Variants in RBM20 observed in about 807,000 individuals in gnomAD.
RBM20 encodes RNA binding motif protein 20.
A neutral mutation model predicts 110.1 loss-of-function variants in RBM20; 51 were observed. The ratio of observed to expected loss-of-function variants is 0.46; its 90% CI spans 0.37 to 0.59. The LOEUF (loss-of-function observed/expected upper bound fraction) is 0.59, where lower values mean the gene tolerates loss of function less well. Ranked by LOEUF, RBM20 falls within the 20% of genes least tolerant of loss-of-function variation. The pLI is 0.00. For synonymous variants in RBM20, 589 were observed against 618.2 expected, an observed-to-expected ratio of 0.95 and a Z score of 0.70; for missense variants, 1,512 against 1,574.9, an observed-to-expected ratio of 0.96 and a Z score of 0.68.
At chr10:110,818,125 CAAA>C (rs11317341) in intron 9 of RBM20, among the ~76,000 whole-genome samples, 6 of 138,320 alleles carry the variant, frequency 4.3e-5, no homozygotes, top group Non-Finnish European at 6.3e-5. Context: ...ACTAAAAATA[CAAA>C]AAAAAAAAAA....
Position 110,737,193 on chromosome 10 carries a change from A to AAAAAAAAAAAAAC in RBM20, c.192-43604_192-43603insAAAAAAAACAAAA, listed in dbSNP as rs796374212. Among the ~76,000 whole-genome samples, 438 of 116,428 alleles carry AAAAAAAAAAAAAC rather than the reference A, an allele frequency of 3.8e-3. 21 individuals are homozygous for AAAAAAAAAAAAAC. The highest frequency in any genetic ancestry group is 0.01 in the East Asian group (38 of 3,750). 76.4% of individuals were successfully genotyped at this position (116,428 alleles called of 152,430 possible). A position where few individuals can be genotyped will look rare whatever the true frequency, so the allele number is the denominator to read the frequency against. ...ACTCTGCCTCAAAAAAAAAAAAAAA[A>AAAAAAAAAAAAAC]AAAACACCCCACACACACACTCAAA... On this transcript the variant is annotated intron_variant, in intron 1 of 13. Coordinates refer to ENST00000369519, the MANE Select transcript of RBM20 (RefSeq NM_001134363.3).
intron 7 of RBM20, among the ~76,000 whole-genome samples, chr10:110,807,729 T>C (rs752443051): frequency 1.2e-4 from 19 of 152,320 alleles, no homozygotes; most frequent in Non-Finnish European, 2.5e-4. Context: ...ACCAGGAGGA[T>C]ATGAAGTTCC....
In RBM20 at chr10:110,644,693, G is replaced by T. The variant is rs1433427850; in HGVS notation, c.191+48G>T. On this transcript the variant is annotated intron_variant, in intron 1 of 13. Coordinates refer to ENST00000369519, the MANE Select transcript of RBM20 (RefSeq NM_001134363.3). This position sits in a 1 kb window ranked among gnomAD's most constrained non-coding sequence, Gnocchi z 4.3. ...GGACCACGGGTGCGCCTGGGGACAC[G>T]CCCCGAGAGCCCCCTTTGTGGCTTC... 3.8e-6 allele frequency: 5 copies of T among 1,311,548 alleles called. No homozygotes were observed. The African/African-American group carries it at 6.2e-5, about 16-fold the overall frequency. The allele number at this position is 1,311,548 out of a possible 1,614,324, so 81.2% of individuals were successfully genotyped here. A position where few individuals can be genotyped will look rare whatever the true frequency, so the allele number is the denominator to read the frequency against.
chr10:110,806,539 T>C (rs1844697956), intron 7 of RBM20, among the ~76,000 whole-genome samples: 1 of 152,052 alleles, frequency 6.6e-6, no homozygotes, highest in Non-Finnish European at 1.5e-5. Context: ...GCTAAACCAT[T>C]AAAAACCACC....
chr10:110,804,926 G>C (rs1219173850), intron 7 of RBM20, among the ~76,000 whole-genome samples: 2 of 152,170 alleles, frequency 1.3e-5, no homozygotes, highest in Non-Finnish European at 2.9e-5. Context: ...GAGACTCCCA[G>C]GTGCTTTTGA....
intron 1 of RBM20, among the ~76,000 whole-genome samples, chr10:110,764,458 T>C (rs1325762253): frequency 6.6e-6 from 1 of 152,208 alleles, no homozygotes; most frequent in Non-Finnish European, 1.5e-5. Flanking sequence ...GGTGTTGATA[T>C]GTGAAGAGGC....
At chr10:110,753,771 G>T (rs1016683704) in intron 1 of RBM20, among the ~76,000 whole-genome samples, 1 of 152,206 alleles carries the variant, frequency 6.6e-6, no homozygotes, top group Non-Finnish European at 1.5e-5. Flanking sequence ...CGCTCCATCT[G>T]CAGGTTCTAG....
intron 1 of RBM20, among the ~76,000 whole-genome samples, chr10:110,668,543 A>G (rs1402110297): frequency 6.6e-6 from 1 of 152,142 alleles, no homozygotes; most frequent in Non-Finnish European, 1.5e-5. Flanking sequence ...TCATTCAAGC[A>G]GAAATTGCGA....
chr10:110,737,907 C>T (rs10787275), intron 1 of RBM20, among the ~76,000 whole-genome samples: 107,423 of 152,022 alleles, frequency 0.71, 38,704 homozygotes, highest in African/African-American at 0.86. Context: ...CACATTTCTG[C>T]CAGGTATACA....
intron 7 of RBM20, among the ~76,000 whole-genome samples, chr10:110,807,091 C>A (rs781565595): frequency 6.6e-6 from 1 of 152,306 alleles, no homozygotes; most frequent in Non-Finnish European, 1.5e-5. Context: ...CTAGCCCCAG[C>A]GTGCAGTATT....
intron 12 of RBM20, among the ~76,000 whole-genome samples, chr10:110,830,399 G>T (rs923123988): frequency 6.6e-6 from 1 of 152,174 alleles, no homozygotes; most frequent in Non-Finnish European, 1.5e-5. Flanking sequence ...CTAATTGATG[G>T]TTCGGATGTA....
intron 8 of RBM20, among the ~76,000 whole-genome samples, chr10:110,811,901 C>T (rs1844772003): frequency 6.6e-6 from 1 of 152,096 alleles, no homozygotes; most frequent in African/African-American, 2.4e-5. Flanking sequence ...GGCAATCTTG[C>T]CCCCCAGCGC....
At chr10:110,702,460 C>T (rs1862773590) in intron 1 of RBM20, among the ~76,000 whole-genome samples, 1 of 152,130 alleles carries the variant, frequency 6.6e-6, no homozygotes, top group Non-Finnish European at 1.5e-5. Flanking sequence ...TACTTGAGCC[C>T]AGGAGTTTGG....
intron 1 of RBM20, among the ~76,000 whole-genome samples, chr10:110,708,494 T>C (rs918783610): frequency 3.9e-5 from 6 of 152,326 alleles, no homozygotes; most frequent in African/African-American, 1.4e-4. Context: ...TTTCATACAG[T>C]ATAAAGCTAA....
intron 1 of RBM20, among the ~76,000 whole-genome samples, chr10:110,745,713 T>C (rs1026466281): frequency 6.6e-6 from 1 of 152,168 alleles, no homozygotes; most frequent in Non-Finnish European, 1.5e-5. Context: ...CCAGGAGCTG[T>C]CACTTTCAAC....
chr10:110,782,062 A>T (rs894153145), intron 2 of RBM20, among the ~76,000 whole-genome samples, 178 bp downstream of exon 2: 1 of 152,236 alleles, frequency 6.6e-6, no homozygotes, highest in Non-Finnish European at 1.5e-5. Flanking sequence ...TCAGAAATGT[A>T]TCAGGACCAG....
chr10:110,663,667 T>A (rs1862137389), intron 1 of RBM20, among the ~76,000 whole-genome samples: 1 of 152,302 alleles, frequency 6.6e-6, no homozygotes, highest in East Asian at 1.9e-4. Context: ...TGGACAAAAG[T>A]AATCCCCAAA....
At chr10:110,735,234 G>A (rs1005277376) in intron 1 of RBM20, among the ~76,000 whole-genome samples, 5 of 152,176 alleles carry the variant, frequency 3.3e-5, no homozygotes, top group African/African-American at 4.8e-5. Flanking sequence ...AAAATAAATA[G>A]TATATATAGA....
intron 1 of RBM20, among the ~76,000 whole-genome samples, chr10:110,671,453 C>A (rs564240579): frequency 2.6e-5 from 4 of 152,286 alleles, no homozygotes; most frequent in African/African-American, 9.6e-5. Context: ...TAAGCGGAAC[C>A]ACTCTGCCCA....
Sources: gnomAD v4.1 joint callset for allele counts (sites outside exome capture counted in the v4.1 genomes callset) on GRCh38, gnomAD v4.1.1 for gene constraint, Gnocchi (gnomAD v3.1) non-coding constraint, MANE v1.5 for transcripts, NCBI Gene and HGNC (gene_info 2026-07-23, HGNC 2026-07-21) for gene names.